Variants in SRD5A1 observed in about 807,000 individuals in gnomAD.
The protein encoded by SRD5A1 is 3-oxo-5-alpha-steroid 4-dehydrogenase 1.
A neutral mutation model predicts 28.2 loss-of-function variants in SRD5A1; 22 were observed. The observed-to-expected ratio is 0.78, with a 90% CI of 0.56 to 1.12. The LOEUF is 1.12. Among genes scored for constraint, SRD5A1 ranks in the 50% most tolerant of loss-of-function variants. The pLI is 0.00. For missense variants in SRD5A1, 300 were observed against 346.7 expected (o/e 0.87, Z 1.07); for synonymous variants, 151 against 135.0 (o/e 1.12, Z -0.82).
Position 6,633,882 on chromosome 5 carries a change from G to A in SRD5A1, c.293+13G>A, listed in dbSNP as rs199728344. On this transcript the variant is annotated intron_variant, in intron 1 of 4. Transcript: ENST00000274192. Reference sequence around the variant, plus strand: ...ACTACGGGCATCGGTAACGTCCCCGGCCCCCGGCCCCCTACCCTACTCCCG... The same window carrying A: ...ACTACGGGCATCGGTAACGTCCCCGACCCCCGGCCCCCTACCCTACTCCCG... 8 of 1,596,078 alleles carry A rather than the reference G, an allele frequency of 5.0e-6. No homozygotes were observed. The highest frequency in any genetic ancestry group is 5.9e-6 in the Non-Finnish European group (7 of 1,178,890).
At chr5:6,640,207 C>T (rs1406198601) in intron 1 of SRD5A1, among the ~76,000 whole-genome samples, 1 of 151,986 alleles carries the variant, frequency 6.6e-6, no homozygotes, top group Admixed American at 6.6e-5. Flanking sequence ...TGAGCTTCCA[C>T]GTTCTGATCT....
At chr5:6,650,216 G>A (rs1738629578) in intron 1 of SRD5A1, among the ~76,000 whole-genome samples, 1 of 151,910 alleles carries the variant, frequency 6.6e-6, no homozygotes, top group African/African-American at 2.4e-5. Context: ...CCAGACTAGA[G>A]ATCAGACATA....
At chr5:6,638,126 G>T (rs899784693) in intron 1 of SRD5A1, among the ~76,000 whole-genome samples, 1 of 152,152 alleles carries the variant, frequency 6.6e-6, no homozygotes, top group African/African-American at 2.4e-5. Flanking sequence ...ATCACACGAG[G>T]TCAGGAGATC....
intron 1 of SRD5A1, among the ~76,000 whole-genome samples, chr5:6,640,531 CT>C (rs11434052): frequency 2.3e-4 from 33 of 146,386 alleles, no homozygotes; most frequent in East Asian, 2.0e-4. Context: ...AAGTCTTATT[CT>C]TTTTTTTTTT....
chr5:6,652,625 A>C (rs149436577), intron 2 of SRD5A1, among the ~76,000 whole-genome samples: 333 of 152,326 alleles, frequency 2.2e-3, no homozygotes, highest in African/African-American at 7.7e-3. Context: ...TAATCCTAGC[A>C]CTTTGGGAGG....
chr5:6,654,009 T>C (rs1738760111), intron 2 of SRD5A1, among the ~76,000 whole-genome samples: 1 of 152,174 alleles, frequency 6.6e-6, no homozygotes, highest in Non-Finnish European at 1.5e-5. Context: ...CATAAATAAG[T>C]AATTATGCCT....
At chr5:6,654,095 C>T (rs1195300940) in intron 2 of SRD5A1, among the ~76,000 whole-genome samples, 1 of 152,054 alleles carries the variant, frequency 6.6e-6, no homozygotes, top group African/African-American at 2.4e-5. Context: ...CTCTATCGCC[C>T]AGGCTGGAGT....
Position 6,644,569 on chromosome 5 carries a change from C to T in SRD5A1, c.294-7273C>T, listed in dbSNP as rs148716819. 8.3e-4 allele frequency among the ~76,000 whole-genome samples: 126 copies of T among 152,280 alleles called. 1 individual carries two copies. Among genetic ancestry groups the T allele is most frequent in the African/African-American group, 2.9e-3 (121 of 41,554 alleles). ...GCTGACTTCAGAAGTGGGCTGCTTG[C>T]TCTTGGTACTTCTCAGCTTGGTACA... On this transcript the variant is annotated intron_variant, in intron 1 of 4. Coordinates refer to ENST00000274192, the MANE Select transcript of SRD5A1 (RefSeq NM_001047.4).
chr5:6,635,260 T>C (rs1214612636), intron 1 of SRD5A1, among the ~76,000 whole-genome samples: 1 of 152,210 alleles, frequency 6.6e-6, no homozygotes, highest in Non-Finnish European at 1.5e-5. Context: ...CAAGTCAACA[T>C]TCATCAGAGG....
intron 1 of SRD5A1, among the ~76,000 whole-genome samples, chr5:6,648,204 C>T (rs1291430909): frequency 6.6e-6 from 1 of 152,138 alleles, no homozygotes; most frequent in Non-Finnish European, 1.5e-5. Flanking sequence ...TCTGGCTGCC[C>T]TTAACATTTT....
At chr5:6,654,091 C>T (rs543851028) in intron 2 of SRD5A1, among the ~76,000 whole-genome samples, 2 of 152,078 alleles carry the variant, frequency 1.3e-5, no homozygotes, top group African/African-American at 2.4e-5. Flanking sequence ...GTTTCTCTAT[C>T]GCCCAGGCTG....
intron 3 of SRD5A1, among the ~76,000 whole-genome samples, chr5:6,661,094 ATTATT>A (rs1240601180): frequency 6.6e-6 from 1 of 152,210 alleles, no homozygotes; most frequent in Non-Finnish European, 1.5e-5. Flanking sequence ...CCATATCAGT[ATTATT>A]TTACAATTCT....
In SRD5A1 at chr5:6,662,846, A is replaced by T; in HGVS notation, c.593A>T (p.Asn198Ile). ...GGLFEYVTAA[N>I]YFGEIMEWCG... Reference sequence around the variant, plus strand: ...TTATTTGAATACGTAACTGCAGCCAACTATTTTGGAGAAATCATGGAGTGG... The same window carrying T: ...TTATTTGAATACGTAACTGCAGCCATCTATTTTGGAGAAATCATGGAGTGG... Residue 198 changes from asparagine (N) to isoleucine (I), a missense_variant, in exon 4 of 5, where the codon AAC (asparagine) becomes ATC (isoleucine). This residue lies in a region of SRD5A1 where 126 missense variants were observed against 185.7 expected (regional missense o/e 0.68). Transcript: ENST00000274192. 6.2e-7 allele frequency: 1 copy of T among 1,612,686 alleles called. No homozygotes were observed. The highest frequency in any genetic ancestry group is 8.5e-7 in the Non-Finnish European group (1 of 1,180,006).
intron 3 of SRD5A1, among the ~76,000 whole-genome samples, chr5:6,659,624 G>A (rs1324442813): frequency 6.6e-6 from 1 of 152,186 alleles, no homozygotes; most frequent in Non-Finnish European, 1.5e-5. Flanking sequence ...CTATACCGGA[G>A]GAAGTGGACA....
intron 1 of SRD5A1, among the ~76,000 whole-genome samples, chr5:6,634,840 A>G (rs1738131509): frequency 6.6e-6 from 1 of 152,258 alleles, no homozygotes; most frequent in Non-Finnish European, 1.5e-5. Flanking sequence ...GCTTTTACAC[A>G]GCCAAAGCAA....
intron 3 of SRD5A1, among the ~76,000 whole-genome samples, chr5:6,659,224 T>A (rs915486538): frequency 6.6e-6 from 1 of 151,850 alleles, no homozygotes; most frequent in Admixed American, 6.6e-5. Context: ...CGCCATTCTC[T>A]TGCCTCAGCC....
At chr5:6,655,367 A>T (rs8192199) in intron 2 of SRD5A1, among the ~76,000 whole-genome samples, 8 of 152,200 alleles carry the variant, frequency 5.3e-5, no homozygotes, top group Non-Finnish European at 1.2e-4. Context: ...CCTTTAAGTG[A>T]TGAAAAATCC....
intron 1 of SRD5A1, among the ~76,000 whole-genome samples, chr5:6,639,221 C>T (rs140080001): frequency 6.6e-6 from 1 of 152,340 alleles, no homozygotes; most frequent in African/African-American, 2.4e-5. Flanking sequence ...TGCAAGACGA[C>T]AAAACCCAAA....
chr5:6,655,464 T>C (rs763335004), intron 2 of SRD5A1, among the ~76,000 whole-genome samples: 2 of 152,194 alleles, frequency 1.3e-5, no homozygotes, highest in Non-Finnish European at 2.9e-5. Flanking sequence ...GAGACTCTTG[T>C]CAAGAACCGA....
Sources: allele counts gnomAD v4.1 joint callset (sites outside exome capture counted in the v4.1 genomes callset), GRCh38; gene constraint gnomAD v4.1.1; regional missense constraint gnomAD v4.1.1; transcripts MANE v1.5; gene names NCBI Gene and HGNC (gene_info 2026-07-23, HGNC 2026-07-21).